Variants in HSD17B12 observed in about 807,000 individuals in gnomAD.
HSD17B12 encodes the protein very-long-chain 3-oxoacyl-CoA reductase.
HSD17B12 carries 32 observed loss-of-function variants against 39.3 expected under a neutral mutation model. The observed-to-expected ratio is 0.81, with a 90% CI of 0.61 to 1.09. The LOEUF is 1.09. HSD17B12 is among the 50% of genes least tolerant of loss of function. The pLI, the probability that HSD17B12 is intolerant of heterozygous loss-of-function variation, is 0.00. For synonymous variants in HSD17B12, 150 were observed against 146.7 expected, an observed-to-expected ratio of 1.02 and a Z score of -0.16; for missense variants, 342 against 382.9, an observed-to-expected ratio of 0.89 and a Z score of 0.89.
At chr11:43,713,517 C>T (rs1441319802) in intron 1 of HSD17B12, among the ~76,000 whole-genome samples, 2 of 152,022 alleles carry the variant, frequency 1.3e-5, no homozygotes, top group Non-Finnish European at 2.9e-5. Context: ...TTTTCTTAAT[C>T]CAGTCTATCA....
intron 3 of HSD17B12, among the ~76,000 whole-genome samples, chr11:43,789,557 T>C (rs1950847422): frequency 6.6e-6 from 1 of 152,218 alleles, no homozygotes; most frequent in Non-Finnish European, 1.5e-5. Context: ...GGAAATCTTT[T>C]TGTCTCTTTG....
chr11:43,718,665 C>G (rs1209959740), intron 1 of HSD17B12: 3 of 731,052 alleles, frequency 4.1e-6, no homozygotes, highest in African/African-American at 1.8e-5. Flanking sequence ...CTTGAATAGC[C>G]TTTTCACAAG....
At chr11:43,841,671 G>C (rs996601334) in intron 9 of HSD17B12, among the ~76,000 whole-genome samples, 2 of 152,198 alleles carry the variant, frequency 1.3e-5, no homozygotes, top group African/African-American at 4.8e-5. Flanking sequence ...TTCTTCAATT[G>C]AAAGAAATAG....
the HSD17B12 span, among the ~76,000 whole-genome samples, chr11:43,602,620 G>A: frequency 3.6e-3 from 552 of 152,160 alleles, 6 homozygotes; most frequent in East Asian, 0.031. Context: ...AAATAAGCAG[G>A]TAAATAAATA....
chr11:43,629,835 G>C, the HSD17B12 span, among the ~76,000 whole-genome samples: 1 of 152,176 alleles, frequency 6.6e-6, no homozygotes, highest in African/African-American at 2.4e-5. Flanking sequence ...GGAGGATGCA[G>C]TGTTGAAATT....
intron 3 of HSD17B12, among the ~76,000 whole-genome samples, chr11:43,777,687 T>A (rs1235266852): frequency 6.6e-6 from 1 of 152,196 alleles, no homozygotes; most frequent in Non-Finnish European, 1.5e-5. Context: ...CTTGTGCCAG[T>A]TTTCAAAGGG....
At chr11:43,639,604 C>G in the HSD17B12 span, among the ~76,000 whole-genome samples, 1 of 151,838 alleles carries the variant, frequency 6.6e-6, no homozygotes, top group African/African-American at 2.4e-5. Context: ...TCTCTTCTAT[C>G]CATAGAAGGA....
chr11:43,566,673 G>A, the HSD17B12 span, among the ~76,000 whole-genome samples: 1 of 152,022 alleles, frequency 6.6e-6, no homozygotes, highest in Non-Finnish European at 1.5e-5. Context: ...GTGACTACAG[G>A]CGCACACCGC....
At chr11:43,778,330 G>T (rs1050887185) in intron 3 of HSD17B12, among the ~76,000 whole-genome samples, 1 of 152,214 alleles carries the variant, frequency 6.6e-6, no homozygotes, top group African/African-American at 2.4e-5. Flanking sequence ...ATCTGAAATT[G>T]TGGCAATAAT....
At chr11:43,675,069 G>C in the HSD17B12 span, among the ~76,000 whole-genome samples, 2 of 152,110 alleles carry the variant, frequency 1.3e-5, no homozygotes, top group Non-Finnish European at 2.9e-5. Context: ...CCAAGTGTCA[G>C]GTACTCTTGG....
chr11:43,682,923 C>G (rs1384479348), intron 1 of HSD17B12, among the ~76,000 whole-genome samples: 1 of 151,646 alleles, frequency 6.6e-6, no homozygotes, highest in Non-Finnish European at 1.5e-5. Context: ...TCCTGAGTAG[C>G]TGGGACTACA....
rs34783257 is a variant in HSD17B12 at position 43,771,462 on chromosome 11, CTTTTTTTTT to C, written c.283+17355_283+17363del. ...ATATATGTAGGAGTGGACTCATATT[CTTTTTTTTT>C]TTTTTTTTTTTTTGAGACAGAGTAT... On this transcript the variant is annotated intron_variant, in intron 3 of 10. Transcript: ENST00000278353. 1.1e-4 allele frequency among the ~76,000 whole-genome samples: 10 copies of C among 90,634 alleles called. No individual in the cohort carries two copies. The South Asian group carries it at 4.0e-3, about 36-fold the overall frequency. 59.5% of individuals were successfully genotyped at this position (90,634 alleles called of 152,430 possible). A position where few individuals can be genotyped will look rare whatever the true frequency, so the allele number is the denominator to read the frequency against.
chr11:43,804,638 C>T (rs971137997), intron 4 of HSD17B12, among the ~76,000 whole-genome samples: 1 of 152,116 alleles, frequency 6.6e-6, no homozygotes, highest in African/African-American at 2.4e-5. Context: ...TTGCCTGTGC[C>T]ACCACTTTCC....
At chr11:43,624,492 G>A in the HSD17B12 span, among the ~76,000 whole-genome samples, 1 of 151,766 alleles carries the variant, frequency 6.6e-6, no homozygotes, top group Non-Finnish European at 1.5e-5. Flanking sequence ...TTGCAGTTCA[G>A]TTCACATGGC....
At chr11:43,696,326 A>G (rs1303495811) in intron 1 of HSD17B12, among the ~76,000 whole-genome samples, 2 of 152,236 alleles carry the variant, frequency 1.3e-5, no homozygotes, top group Admixed American at 6.5e-5. Context: ...AAACAAATTT[A>G]TAAGAAAAAA....
intron 5 of HSD17B12, 49 bp downstream of exon 5, chr11:43,815,550 A>G (rs1461419897): frequency 8.8e-7 from 1 of 1,134,648 alleles, no homozygotes; most frequent in Non-Finnish European, 1.3e-6. Flanking sequence ...GCATGCAGGT[A>G]TTGGTATAAT....
chr11:43,683,104 G>GTTTTTTTTTTT (rs145842097), intron 1 of HSD17B12, among the ~76,000 whole-genome samples: 3 of 140,616 alleles, frequency 2.1e-5, no homozygotes, highest in African/African-American at 2.6e-5. Context: ...GTTTTTTTTT[G>GTTTTTTTTTTT]TTTTTTTTTT....
At chr11:43,586,314 C>A in the HSD17B12 span, among the ~76,000 whole-genome samples, 1 of 152,194 alleles carries the variant, frequency 6.6e-6, no homozygotes, top group Admixed American at 6.5e-5. Context: ...CTGACATGGC[C>A]TAGACCTCAG....
intron 9 of HSD17B12, among the ~76,000 whole-genome samples, chr11:43,846,923 A>G (rs1015218396): frequency 7.2e-5 from 11 of 152,360 alleles, no homozygotes; most frequent in African/African-American, 2.6e-4. Flanking sequence ...AAAGCACCTA[A>G]TAATCTGGCA....
Sources: allele counts gnomAD v4.1 joint callset (sites outside exome capture counted in the v4.1 genomes callset), GRCh38; gene constraint gnomAD v4.1.1; transcripts MANE v1.5; gene names NCBI Gene and HGNC (gene_info 2026-07-23, HGNC 2026-07-21).